METAP2: variants seen among roughly 807,000 people sequenced by gnomAD.
METAP2 encodes the protein methionyl aminopeptidase 2.
In METAP2, 25 loss-of-function variants were observed where a neutral mutation model predicts 59.4. The ratio of observed to expected loss-of-function variants is 0.42; its 90% CI spans 0.31 to 0.59. The LOEUF (loss-of-function observed/expected upper bound fraction) is 0.59. METAP2 is among the 20% of genes least tolerant of loss of function. METAP2 has a pLI of 0.16. For synonymous variants in METAP2, 214 were observed against 194.1 expected (o/e 1.10, Z -0.85); for missense variants, 366 against 581.2 (o/e 0.63, Z 3.81).
At position 95,483,245 on chromosome 12, in the gene METAP2, GAAAGAAGAAGAA is replaced by G. The variant is rs1448121937; in HGVS notation, c.303_314del (p.Lys103_Lys106del). ...GATGGCGATGGAGATGGAGCAACTGGAAAGAAGAAGAAAAAGAAGAAGAAGAAGAGAGGACGT... is the reference window on the plus strand; with the variant it reads ...GATGGCGATGGAGATGGAGCAACTGGAAAGAAGAAGAAGAAGAGAGGACGT... On this transcript the variant is annotated inframe_deletion, in exon 3 of 11. Coordinates refer to ENST00000323666, the MANE Select transcript of METAP2 (RefSeq NM_006838.4). 1 of 1,612,708 alleles carries G rather than the reference GAAAGAAGAAGAA, an allele frequency of 6.2e-7. No individual in the cohort carries two copies.
At chr12:95,488,063 G>T (rs954861511) in intron 4 of METAP2, among the ~76,000 whole-genome samples, 2 of 152,134 alleles carry the variant, frequency 1.3e-5, no homozygotes, top group African/African-American at 4.8e-5. Flanking sequence ...GAGTGAGATT[G>T]ATTAACCAAA....
chr12:95,480,960 A>G (rs902310285), intron 2 of METAP2, among the ~76,000 whole-genome samples: 1 of 152,176 alleles, frequency 6.6e-6, no homozygotes, highest in Non-Finnish European at 1.5e-5. Context: ...TCTCTTCAAG[A>G]AGTTTTATAT....
chr12:95,474,178 A>C lies in METAP2; in HGVS notation c.-2A>C. 1.2e-6 allele frequency: 2 copies of C among 1,613,470 alleles called. No homozygotes were observed. Among genetic ancestry groups the C allele is most frequent in the South Asian group, 2.2e-5 (2 of 91,068 alleles). On this transcript the variant is annotated 5_prime_UTR_variant, in exon 1 of 11. Transcript: ENST00000323666. ...TCATTCCCTCGCGCTCTCTCGGGCA[A>C]CATGGCGGGTGTGGAGGAGGTAGCG...
intron 2 of METAP2, among the ~76,000 whole-genome samples, chr12:95,481,840 A>G (rs1383946766): frequency 6.6e-6 from 1 of 152,214 alleles, no homozygotes; most frequent in Non-Finnish European, 1.5e-5. Flanking sequence ...TGCTACATAC[A>G]CTAGTCACAA....
chr12:95,491,936 C>G (rs1172963332), intron 4 of METAP2, among the ~76,000 whole-genome samples: 1 of 152,030 alleles, frequency 6.6e-6, no homozygotes, highest in South Asian at 2.1e-4. Context: ...TCCCAAGTAG[C>G]TGGGACTACA....
Position 95,476,551 on chromosome 12 carries a change from A to G in METAP2, c.259+373A>G, listed in dbSNP as rs919260621. Among the ~76,000 whole-genome samples, 7 of 151,984 alleles carry G rather than the reference A, an allele frequency of 4.6e-5. 1 individual carries two copies. The highest frequency in any genetic ancestry group is 1.7e-4 in the African/African-American group (7 of 41,346). ...GAAAGAAAGAAAGAAAAGCTAGAAA[A>G]TGTGATATTCCTTAATCAAAATTTA... On this transcript the variant is annotated intron_variant, in intron 2 of 10. Transcript: ENST00000323666.
chr12:95,495,852 A>G (rs1320219148), intron 6 of METAP2, 152 bp from the exon 7 acceptor site: 1 of 581,182 alleles, frequency 1.7e-6, no homozygotes, highest in East Asian at 2.8e-5. Flanking sequence ...CTCTTTGATT[A>G]TGAATGATCT....
In METAP2 at chr12:95,496,748, T is replaced by A. The variant is rs952411397; in HGVS notation, c.867+650T>A. Among the ~76,000 whole-genome samples the A allele has an allele frequency of 2.5e-4, 35 of 142,772 alleles. 1 individual carries two copies. The East Asian group carries it at 4.4e-3, about 18-fold the overall frequency. The allele number at this position is 142,772 out of a possible 152,430, so 93.7% of individuals were successfully genotyped here. A position where few individuals can be genotyped will look rare whatever the true frequency, so the allele number is the denominator to read the frequency against. On this transcript the variant is annotated intron_variant, in intron 7 of 10. Coordinates refer to ENST00000323666, the MANE Select transcript of METAP2 (RefSeq NM_006838.4). ...CCCAGCTTTTCCCCACCCACTCAAA[T>A]TTTTTTTTTTTTTGGAGGGAGGTGC...
chr12:95,486,733 G>T (rs914169074), intron 4 of METAP2, among the ~76,000 whole-genome samples: 3 of 152,114 alleles, frequency 2.0e-5, no homozygotes, highest in African/African-American at 7.2e-5. Context: ...CCAACCTCAG[G>T]TGATCCGCCC....
chr12:95,514,805 A>G lies in METAP2; in HGVS notation c.*901A>G, dbSNP rs2076434129. On this transcript the variant is annotated 3_prime_UTR_variant, in exon 11 of 11. Transcript: ENST00000323666. Reference sequence around the variant, plus strand: ...ACTTCCCATGTTTGGATCTTGTTCTAGTTAGAAAAATTAAGTTGAAATTCT... The same window carrying G: ...ACTTCCCATGTTTGGATCTTGTTCTGGTTAGAAAAATTAAGTTGAAATTCT... 1 of 152,162 alleles carries G rather than the reference A, an allele frequency of 6.6e-6. No homozygotes were observed. The highest frequency in any genetic ancestry group is 2.4e-5 in the African/African-American group (1 of 41,444). 9.4% of individuals were successfully genotyped at this position (152,162 alleles called of 1,614,324 possible). A position where few individuals can be genotyped will look rare whatever the true frequency, so the allele number is the denominator to read the frequency against.
intron 7 of METAP2, among the ~76,000 whole-genome samples, chr12:95,501,046 T>C (rs1445716683): frequency 6.9e-6 from 1 of 145,086 alleles, no homozygotes; most frequent in Non-Finnish European, 1.5e-5. Flanking sequence ...CAGGTCTCCC[T>C]TGTTACCCAG....
At chr12:95,486,368 T>G (rs975912276) in intron 4 of METAP2, among the ~76,000 whole-genome samples, 9 of 152,232 alleles carry the variant, frequency 5.9e-5, no homozygotes, top group African/African-American at 2.2e-4. Flanking sequence ...ACTATATCTT[T>G]ACTTTTTTTT....
chr12:95,513,015 C>G, intron 10 of METAP2, 99 bp downstream of exon 10: 1 of 630,922 alleles, frequency 1.6e-6, no homozygotes, highest in Non-Finnish European at 2.7e-6. Context: ...ATAGTATATT[C>G]ATGAATGTAG....
intron 8 of METAP2, among the ~76,000 whole-genome samples, chr12:95,508,625 A>G (rs2076379391): frequency 6.6e-6 from 1 of 152,176 alleles, no homozygotes; most frequent in Admixed American, 6.5e-5. Flanking sequence ...GTAAATTCCA[A>G]CACTAGCCAA....
intron 2 of METAP2, among the ~76,000 whole-genome samples, chr12:95,481,303 C>T (rs1464980942): frequency 6.6e-6 from 1 of 152,120 alleles, no homozygotes; most frequent in Non-Finnish European, 1.5e-5. Context: ...CTCAGCTATT[C>T]AGGAAGCTGA....
intron 7 of METAP2, among the ~76,000 whole-genome samples, chr12:95,498,611 G>A (rs2076293015): frequency 6.6e-6 from 1 of 152,064 alleles, no homozygotes; most frequent in Non-Finnish European, 1.5e-5. Context: ...TTTTTATATG[G>A]TGTTAAGTAA....
At chr12:95,506,402 T>A (rs1263732942) in intron 8 of METAP2, among the ~76,000 whole-genome samples, 1 of 150,824 alleles carries the variant, frequency 6.6e-6, no homozygotes, top group Non-Finnish European at 1.5e-5. Context: ...GTTCAAGCGA[T>A]TCTTCTGCCT....
At chr12:95,494,272 A>G in intron 5 of METAP2, 55 bp downstream of exon 5, 1 of 1,495,562 alleles carries the variant, frequency 6.7e-7, no homozygotes, top group Non-Finnish European at 9.1e-7. Context: ...ATTAAGTACT[A>G]ACTCTCCAAT....
Position 95,485,999 on chromosome 12 carries a change from A to C in METAP2, c.428+18A>C, listed in dbSNP as rs2076193802. On this transcript the variant is annotated intron_variant, in intron 4 of 10. Transcript: ENST00000323666. ...CAAGATGGGTAAGGATCATCAAATC[A>C]CTTCCAGTTTAATTTCTGACAGTTA... 5 of 1,486,876 alleles carry C rather than the reference A, an allele frequency of 3.4e-6. No homozygotes were observed. 92.1% of individuals were successfully genotyped at this position (1,486,876 alleles called of 1,614,324 possible).
Sources: gnomAD v4.1 joint callset for allele counts (sites outside exome capture counted in the v4.1 genomes callset) on GRCh38, gnomAD v4.1.1 for gene constraint, MANE v1.5 for transcripts, NCBI Gene and HGNC (gene_info 2026-07-23, HGNC 2026-07-21) for gene names.